Variants in PAK1 observed in about 807,000 individuals in gnomAD.
PAK1 encodes serine/threonine-protein kinase PAK 1.
PAK1 carries 29 observed loss-of-function variants against 67.4 expected under a neutral mutation model. The observed-to-expected ratio is 0.43, with a 90% CI of 0.32 to 0.59. The LOEUF is 0.59. Ranked by LOEUF, PAK1 falls within the 20% of genes least tolerant of loss-of-function variation. The pLI, the probability that PAK1 is intolerant of heterozygous loss-of-function variation, is 0.07. For synonymous variants in PAK1, 223 were observed against 237.4 expected, an observed-to-expected ratio of 0.94 and a Z score of 0.56; for missense variants, 337 against 670.7, an observed-to-expected ratio of 0.50 and a Z score of 5.50.
At position 77,406,120 on chromosome 11, in the gene PAK1, G is replaced by A. The variant is rs72941654; in HGVS notation, c.-21-13579C>T. 3.8e-3 allele frequency among the ~76,000 whole-genome samples: 577 copies of A among 152,142 alleles called. 3 individuals are homozygous for A. The highest frequency in any genetic ancestry group is 4.1e-3 in the Non-Finnish European group (281 of 68,010). On this transcript the variant is annotated intron_variant, in intron 1 of 14. Transcript: ENST00000356341. ...CCAAGGCTTGGGACCTTCCTTGCTC[G>A]GAACCTTCCTTACTGATACACTACA...
the PAK1 span, among the ~76,000 whole-genome samples, chr11:77,519,955 A>G: frequency 6.6e-6 from 1 of 152,232 alleles, no homozygotes; most frequent in African/African-American, 2.4e-5. Flanking sequence ...ACTGAATCCC[A>G]GGCCACCACA....
the PAK1 span, among the ~76,000 whole-genome samples, chr11:77,480,210 C>T: frequency 6.6e-6 from 1 of 152,122 alleles, no homozygotes. Flanking sequence ...TTTCTTCCCC[C>T]ACATAGCTGC....
chr11:77,332,896 A>C, intron 13 of PAK1, 29 bp from the exon 14 acceptor site: 1 of 1,609,746 alleles, frequency 6.2e-7, no homozygotes. Flanking sequence ...AATCACCTTG[A>C]GCTCCAAATG....
intron 1 of PAK1, among the ~76,000 whole-genome samples, chr11:77,422,899 A>G (rs1955345472): frequency 6.6e-6 from 1 of 152,144 alleles, no homozygotes; most frequent in Non-Finnish European, 1.5e-5. Flanking sequence ...CAAGAGTGAA[A>G]AGCACACACT....
chr11:77,376,933 T>C (rs1949168017), intron 4 of PAK1, among the ~76,000 whole-genome samples: 1 of 152,096 alleles, frequency 6.6e-6, no homozygotes, highest in Non-Finnish European at 1.5e-5. Context: ...TCTTTGAGTA[T>C]ATAAAATGAG....
chr11:77,346,556 T>C (rs1944452958), intron 9 of PAK1, among the ~76,000 whole-genome samples: 1 of 152,176 alleles, frequency 6.6e-6, no homozygotes, highest in East Asian at 1.9e-4. Flanking sequence ...AATGCATTAC[T>C]CACATATAAG....
intron 1 of PAK1, among the ~76,000 whole-genome samples, chr11:77,399,944 TAA>T (rs760702727): frequency 4.8e-5 from 7 of 146,850 alleles, no homozygotes; most frequent in Non-Finnish European, 8.9e-5. Context: ...ATGGATATGA[TAA>T]AGTTAGTATA....
At chr11:77,354,414 A>G (rs1331882148) in intron 7 of PAK1, among the ~76,000 whole-genome samples, 1 of 152,188 alleles carries the variant, frequency 6.6e-6, no homozygotes, top group African/African-American at 2.4e-5. Flanking sequence ...ACAAGTATTA[A>G]CATCCCTATT....
chr11:77,388,312 G>A lies in PAK1; in HGVS notation c.190+4019C>T, dbSNP rs999268794. ...ATATAGACAAGCCTGATCTAACCAC[G>A]CCTTTGCAACATCACATTTATGTAA... On this transcript the variant is annotated intron_variant, in intron 2 of 14. Transcript: ENST00000356341. Among the ~76,000 whole-genome samples, 9 of 152,276 alleles carry A rather than the reference G, an allele frequency of 5.9e-5. No individual in the cohort carries two copies. The South Asian group carries it at 1.2e-3, about 21-fold the overall frequency.
At chr11:77,513,727 T>C in the PAK1 span, among the ~76,000 whole-genome samples, 1 of 145,920 alleles carries the variant, frequency 6.9e-6, no homozygotes, top group African/African-American at 2.6e-5. Flanking sequence ...GAGAAGAGAC[T>C]GTGTGCACGG....
the PAK1 span, among the ~76,000 whole-genome samples, chr11:77,503,587 G>A: frequency 6.6e-6 from 1 of 152,214 alleles, no homozygotes; most frequent in Non-Finnish European, 1.5e-5. Flanking sequence ...ATTAGGTCAG[G>A]CATGGTAGCT....
At position 77,336,143 on chromosome 11, in the gene PAK1, G is replaced by A. The variant is rs1011158625; in HGVS notation, c.1356C>T (p.Ile452=). The change falls in exon 13 of 15, where the codon ATC becomes ATT. Residue 452 remains isoleucine, a synonymous_variant. Coordinates refer to ENST00000356341, the MANE Select transcript of PAK1 (RefSeq NM_002576.5). ...GPKVDIWSLG[I]MAIEMIEGEP... ...CCCCTTCAATCATTTCGATGGCCAT[G>A]ATGCCCAGGGACCAGATGTCAACCT... The A allele has an allele frequency of 8.1e-6, 13 of 1,613,490 alleles. No individual in the cohort carries two copies. The highest frequency in any genetic ancestry group is 1.1e-5 in the Non-Finnish European group (13 of 1,179,532).
intron 1 of PAK1, among the ~76,000 whole-genome samples, chr11:77,462,045 C>T (rs116496268): frequency 1.4e-3 from 215 of 152,240 alleles, no homozygotes; most frequent in African/African-American, 4.4e-3. Context: ...CACATCTTTT[C>T]GCCGGGCGCT....
chr11:77,372,600 C>T (rs1010626670), intron 5 of PAK1, among the ~76,000 whole-genome samples: 1 of 152,184 alleles, frequency 6.6e-6, no homozygotes, highest in African/African-American at 2.4e-5. Flanking sequence ...AACTTAACCA[C>T]TCTTCTGCTT....
At chr11:77,459,087 G>A (rs1378813757) in intron 1 of PAK1, among the ~76,000 whole-genome samples, 3 of 152,192 alleles carry the variant, frequency 2.0e-5, no homozygotes, top group African/African-American at 4.8e-5. Flanking sequence ...ATATGAAATG[G>A]AATGAAACTG....
chr11:77,487,485 C>G, the PAK1 span, among the ~76,000 whole-genome samples: 1 of 152,042 alleles, frequency 6.6e-6, no homozygotes, highest in Non-Finnish European at 1.5e-5. Flanking sequence ...TAGGGTAGAG[C>G]ACCAAGCAGG....
At chr11:77,387,624 ACCT>A (rs147882479) in intron 2 of PAK1, among the ~76,000 whole-genome samples, 1,537 of 152,278 alleles carry the variant, frequency 0.01, 10 homozygotes, top group Non-Finnish European at 0.015. Flanking sequence ...TAAAAAACAA[ACCT>A]CCTATTTGTA....
At chr11:77,449,177 T>A (rs1451497394) in intron 1 of PAK1, among the ~76,000 whole-genome samples, 1 of 152,202 alleles carries the variant, frequency 6.6e-6, no homozygotes, top group Non-Finnish European at 1.5e-5. Context: ...GATGGGCCTT[T>A]GGTGCAACCA....
intron 1 of PAK1, among the ~76,000 whole-genome samples, chr11:77,441,399 C>T (rs1338471627): frequency 6.6e-6 from 1 of 152,200 alleles, no homozygotes; most frequent in Non-Finnish European, 1.5e-5. Flanking sequence ...AATTCAATCA[C>T]TCAATCCAGT....
Sources: allele counts gnomAD v4.1 joint callset (sites outside exome capture counted in the v4.1 genomes callset), GRCh38; gene constraint gnomAD v4.1.1; transcripts MANE v1.5; gene names NCBI Gene and HGNC (gene_info 2026-07-23, HGNC 2026-07-21).